MAGI1: variants seen among roughly 807,000 people sequenced by gnomAD.
MAGI1 encodes membrane-associated guanylate kinase, WW and PDZ domain-containing protein 1.
MAGI1 carries 58 observed loss-of-function variants against 139.9 expected under a neutral mutation model. That is an observed-to-expected ratio of 0.41 (90% confidence interval 0.34 to 0.52). The LOEUF (loss-of-function observed/expected upper bound fraction) is 0.52, where lower values mean the gene tolerates loss of function less well. MAGI1 is among the 20% of genes least tolerant of loss of function. MAGI1 has a pLI of 0.12. For missense variants in MAGI1, 1,874 were observed against 1,901.6 expected (o/e 0.99, Z 0.27); for synonymous variants, 812 against 737.9 (o/e 1.10, Z -1.63).
At chr3:65,529,032 G>A (rs1036409854) in intron 2 of MAGI1, among the ~76,000 whole-genome samples, 1 of 151,896 alleles carries the variant, frequency 6.6e-6, no homozygotes. Flanking sequence ...GGCAACAGAT[G>A]GAGACCCTGT....
At chr3:65,721,839 GT>G (rs142189402) in intron 1 of MAGI1, among the ~76,000 whole-genome samples, 6 of 147,078 alleles carry the variant, frequency 4.1e-5, no homozygotes, top group African/African-American at 1.0e-4. Flanking sequence ...TTTGTTTTTT[GT>G]TTTTTTTTTC....
intron 1 of MAGI1, among the ~76,000 whole-genome samples, chr3:65,735,181 T>C (rs2034608476): frequency 1.3e-5 from 2 of 152,056 alleles, no homozygotes; most frequent in South Asian, 2.1e-4. Flanking sequence ...TAGCATTTAA[T>C]TTTTTTCTTG....
chr3:65,406,307 C>A (rs1385038735), intron 12 of MAGI1, among the ~76,000 whole-genome samples: 1 of 151,624 alleles, frequency 6.6e-6, no homozygotes, highest in Non-Finnish European at 1.5e-5. Context: ...ACAAACAAAA[C>A]CTGAGTTGCT....
chr3:65,891,042 A>G (rs1179184236), intron 1 of MAGI1, among the ~76,000 whole-genome samples: 2 of 151,938 alleles, frequency 1.3e-5, no homozygotes, highest in African/African-American at 4.8e-5. Flanking sequence ...GCAAAACCCC[A>G]TCTCTACAAA....
At chr3:65,454,401 G>A (rs1949243357) in intron 5 of MAGI1, among the ~76,000 whole-genome samples, 1 of 147,256 alleles carries the variant, frequency 6.8e-6, no homozygotes, top group African/African-American at 2.5e-5. Context: ...GGAGGGGAGA[G>A]GGATAGCATT....
At chr3:65,371,906 T>C (rs1055885766) in intron 18 of MAGI1, 1 of 448,930 alleles carries the variant, frequency 2.2e-6, no homozygotes, top group Admixed American at 2.4e-5. Flanking sequence ...TCTCTTGCTA[T>C]TTCCACCACA....
chr3:65,549,401 C>CCGTT, intron 2 of MAGI1: 1 of 985,270 alleles, frequency 1.0e-6, no homozygotes, highest in South Asian at 4.7e-5. Context: ...AAGGACAAAA[C>CCGTT]CGTTACCTGC....
intron 1 of MAGI1, among the ~76,000 whole-genome samples, chr3:65,732,676 C>G (rs546080907): frequency 6.6e-6 from 1 of 152,322 alleles, no homozygotes; most frequent in East Asian, 1.9e-4. Flanking sequence ...TTAGTATCAA[C>G]TATCATAACA....
At chr3:65,690,586 C>T (rs1166824983) in intron 1 of MAGI1, among the ~76,000 whole-genome samples, 7 of 151,736 alleles carry the variant, frequency 4.6e-5, no homozygotes, top group Admixed American at 1.3e-4. Flanking sequence ...AAGTGATTCT[C>T]GTACCTCAGC....
chr3:65,668,783 A>C (rs2107448519), intron 1 of MAGI1, among the ~76,000 whole-genome samples: 1 of 151,494 alleles, frequency 6.6e-6, no homozygotes, highest in African/African-American at 2.4e-5. Flanking sequence ...TGAACTCCTG[A>C]CCTTGTGATC....
At chr3:66,012,518 C>A (rs1404788352) in intron 1 of MAGI1, among the ~76,000 whole-genome samples, 1 of 152,014 alleles carries the variant, frequency 6.6e-6, no homozygotes, top group Non-Finnish European at 1.5e-5. Context: ...AAACAGACAA[C>A]CATTTGGGAG....
chr3:65,683,452 T>G (rs997061400), intron 1 of MAGI1, among the ~76,000 whole-genome samples: 4 of 150,738 alleles, frequency 2.7e-5, no homozygotes, highest in East Asian at 1.9e-4. Context: ...AACTTAAAAC[T>G]GCTCTAAAAA....
chr3:65,566,250 T>C (rs898725785), intron 2 of MAGI1, among the ~76,000 whole-genome samples: 2 of 147,966 alleles, frequency 1.4e-5, no homozygotes, highest in African/African-American at 5.2e-5. Flanking sequence ...CAAGACTCTG[T>C]CTCAAAAAAA....
At chr3:65,387,029 G>A in intron 14 of MAGI1, 4 of 852,218 alleles carry the variant, frequency 4.7e-6, no homozygotes, top group Non-Finnish European at 7.5e-6. Flanking sequence ...TTCCCTTCAT[G>A]CCCCTTTTTT....
chr3:65,984,512 A>ATGTGTGTGTGTGTGTGTGTGTGTG, intron 1 of MAGI1, among the ~76,000 whole-genome samples: 1 of 140,472 alleles, frequency 7.1e-6, no homozygotes, highest in East Asian at 2.2e-4. Context: ...TCAAAATAAA[A>ATGTGTGTGTGTGTGTGTGTGTGTG]TGTGTGTGTG....
At chr3:65,666,763 T>G (rs2086557779) in intron 1 of MAGI1, among the ~76,000 whole-genome samples, 1 of 152,180 alleles carries the variant, frequency 6.6e-6, no homozygotes, top group South Asian at 2.1e-4. Context: ...CACATTCTGA[T>G]GAAAATTCCT....
rs751496271 is a variant in MAGI1 at position 65,950,078 on chromosome 3, CA to C, written c.313+87917del. Among the ~76,000 whole-genome samples, 394 of 40,326 alleles carry C rather than the reference CA, an allele frequency of 9.8e-3. 23 individuals carry two copies. The highest frequency in any genetic ancestry group is 0.059 in the African/African-American group (357 of 6,098). The allele number at this position is 40,326 out of a possible 152,430, so 26.5% of individuals were successfully genotyped here. On this transcript the variant is annotated intron_variant, in intron 1 of 22. Transcript: ENST00000402939. ...AAAAAACAAAAAAACAAAAAAAAAA[CA>C]AAAAAAAAAACAAACAAAAAAAAAA... is the stretch of plus-strand genomic sequence containing the variant.
chr3:65,551,543 G>A (rs1048342153), intron 2 of MAGI1, among the ~76,000 whole-genome samples: 13 of 152,056 alleles, frequency 8.5e-5, no homozygotes, highest in Middle Eastern at 3.2e-3. Context: ...CTCGTGATCC[G>A]CCCGCCTCGG....
At chr3:65,887,713 G>C (rs2060588710) in intron 1 of MAGI1, among the ~76,000 whole-genome samples, 1 of 152,134 alleles carries the variant, frequency 6.6e-6, no homozygotes, top group African/African-American at 2.4e-5. Flanking sequence ...CTAAGGCACA[G>C]TGTTTTCAAT....
Sources: allele counts gnomAD v4.1 joint callset (sites outside exome capture counted in the v4.1 genomes callset), GRCh38; gene constraint gnomAD v4.1.1; transcripts MANE v1.5; gene names NCBI Gene and HGNC (gene_info 2026-07-23, HGNC 2026-07-21).